HS3ST4: variants seen among roughly 807,000 people sequenced by gnomAD.
HS3ST4 encodes heparan sulfate-glucosamine 3-sulfotransferase 4.
In HS3ST4, 17 loss-of-function variants were observed where a neutral mutation model predicts 29.2. The observed-to-expected ratio is 0.58, with a 90% confidence interval of 0.40 to 0.87. The LOEUF (loss-of-function observed/expected upper bound fraction) is 0.87, where lower values mean the gene tolerates loss of function less well. HS3ST4 is among the 40% of genes least tolerant of loss of function. The pLI is 0.00. For missense variants in HS3ST4, 627 were observed against 634.5 expected (o/e 0.99, Z 0.13); for synonymous variants, 314 against 285.7 (o/e 1.10, Z -1.00).
At chr16:25,931,614 T>C (rs1968464866) in intron 1 of HS3ST4, among the ~76,000 whole-genome samples, 1 of 152,234 alleles carries the variant, frequency 6.6e-6, no homozygotes, top group Admixed American at 6.5e-5. Flanking sequence ...GACTTCATTA[T>C]GCAGGATGGA....
At chr16:25,819,057 A>C (rs904839941) in intron 1 of HS3ST4, among the ~76,000 whole-genome samples, 1 of 152,152 alleles carries the variant, frequency 6.6e-6, no homozygotes, top group Non-Finnish European at 1.5e-5. Context: ...AGGGAGTCAG[A>C]AGGGGATTAC....
At chr16:25,726,999 T>G (rs1966540181) in intron 1 of HS3ST4, among the ~76,000 whole-genome samples, 1 of 151,880 alleles carries the variant, frequency 6.6e-6, no homozygotes, top group Non-Finnish European at 1.5e-5. Context: ...ATGGCACAAT[T>G]GTCAGGACAG....
chr16:25,895,465 C>T lies in HS3ST4; in HGVS notation c.734+202314C>T, dbSNP rs12931462. On this transcript the variant is annotated intron_variant, in intron 1 of 1. Coordinates refer to ENST00000331351, the MANE Select transcript of HS3ST4 (RefSeq NM_006040.3). The stretch of plus-strand genomic sequence containing the variant: ...GAGGGTGAATGGATGCTGGGCTGGT[C>T]ACAGGAGAGTTGTCAGGGGCTCGAT... Among the ~76,000 whole-genome samples the T allele has an allele frequency of 2.8e-3, 420 of 151,880 alleles. 1 individual carries two copies. Among genetic ancestry groups the T allele is most frequent in the Non-Finnish European group, 4.1e-3 (282 of 67,952 alleles).
At chr16:26,078,721 T>C (rs996172807) in intron 1 of HS3ST4, among the ~76,000 whole-genome samples, 2 of 152,214 alleles carry the variant, frequency 1.3e-5, no homozygotes, top group Non-Finnish European at 2.9e-5. Flanking sequence ...AATTCAACTA[T>C]TAATTTATGT....
intron 1 of HS3ST4, among the ~76,000 whole-genome samples, chr16:25,880,456 G>A (rs942957400): frequency 9.2e-5 from 14 of 152,118 alleles, no homozygotes; most frequent in Non-Finnish European, 1.3e-4. Context: ...ATTTTGACAC[G>A]CAACCATCTC....
intron 1 of HS3ST4, among the ~76,000 whole-genome samples, chr16:26,044,021 A>G (rs1898236126): frequency 6.6e-6 from 1 of 152,222 alleles, no homozygotes; most frequent in Non-Finnish European, 1.5e-5. Flanking sequence ...TAGGAAATTG[A>G]AGCACAGAGA....
In HS3ST4 at chr16:26,019,151, C is replaced by T. The variant is rs956141169; in HGVS notation, c.735-116461C>T. Among the ~76,000 whole-genome samples, 7 of 152,042 alleles carry T rather than the reference C, an allele frequency of 4.6e-5. No homozygotes were observed. In the East Asian group the frequency reaches 7.7e-4, roughly 17 times the overall value. On this transcript the variant is annotated intron_variant, in intron 1 of 1. Transcript: ENST00000331351. ...GTCTTTTCTCTCTCATCTGCTACCCCCCGATCCACCCCCTCAATCAATCCC... is the reference window on the plus strand; with the variant it reads ...GTCTTTTCTCTCTCATCTGCTACCCTCCGATCCACCCCCTCAATCAATCCC...
At chr16:25,861,579 C>G (rs1305626813) in intron 1 of HS3ST4, among the ~76,000 whole-genome samples, 2 of 152,078 alleles carry the variant, frequency 1.3e-5, no homozygotes, top group Non-Finnish European at 2.9e-5. Context: ...AAAAGGATAA[C>G]AAATGAGAGT....
At chr16:25,772,556 T>C (rs1445688087) in intron 1 of HS3ST4, among the ~76,000 whole-genome samples, 1 of 152,172 alleles carries the variant, frequency 6.6e-6, no homozygotes, top group Non-Finnish European at 1.5e-5. Flanking sequence ...TCAGTGTGTT[T>C]AGGGATTGAA....
At chr16:26,037,642 G>A (rs1425596474) in intron 1 of HS3ST4, among the ~76,000 whole-genome samples, 2 of 152,164 alleles carry the variant, frequency 1.3e-5, no homozygotes, top group Admixed American at 1.3e-4. Context: ...GAACATAGGA[G>A]GAGAGTATAT....
chr16:25,995,495 C>T (rs1227490579), intron 1 of HS3ST4, among the ~76,000 whole-genome samples: 1 of 152,154 alleles, frequency 6.6e-6, no homozygotes, highest in Non-Finnish European at 1.5e-5. Context: ...CATTGGTTTC[C>T]CAACAATTCC....
chr16:26,033,857 C>T (rs942434246), intron 1 of HS3ST4, among the ~76,000 whole-genome samples: 1 of 152,184 alleles, frequency 6.6e-6, no homozygotes, highest in African/African-American at 2.4e-5. Flanking sequence ...CCTCAAGAGA[C>T]TCATCTGAGC....
chr16:25,986,130 C>T (rs961456297), intron 1 of HS3ST4, among the ~76,000 whole-genome samples: 4 of 152,204 alleles, frequency 2.6e-5, no homozygotes, highest in African/African-American at 9.7e-5. Flanking sequence ...TCCTCTATCA[C>T]CCAGTCTCCT....
intron 1 of HS3ST4, among the ~76,000 whole-genome samples, chr16:26,098,808 G>A (rs940646527): frequency 2.6e-5 from 4 of 152,198 alleles, no homozygotes; most frequent in African/African-American, 9.6e-5. Context: ...TGTGCAGGGG[G>A]GTAGATGTAT....
intron 1 of HS3ST4, among the ~76,000 whole-genome samples, chr16:26,078,875 G>T (rs1320512443): frequency 6.6e-6 from 1 of 152,196 alleles, no homozygotes; most frequent in Non-Finnish European, 1.5e-5. Flanking sequence ...ACAGGTCACA[G>T]TTGAGAGCCC....
intron 1 of HS3ST4, among the ~76,000 whole-genome samples, chr16:26,092,644 C>T (rs1301970793): frequency 6.6e-6 from 1 of 152,202 alleles, no homozygotes; most frequent in Non-Finnish European, 1.5e-5. Context: ...TGAATAGGAA[C>T]AGCTCCGGTC....
At chr16:25,946,104 A>G (rs895955207) in intron 1 of HS3ST4, among the ~76,000 whole-genome samples, 1 of 152,198 alleles carries the variant, frequency 6.6e-6, no homozygotes, top group African/African-American at 2.4e-5. Flanking sequence ...CTGCTGTTCA[A>G]GAAACTCATT....
At chr16:26,047,209 A>T (rs1228450005) in intron 1 of HS3ST4, among the ~76,000 whole-genome samples, 1 of 152,192 alleles carries the variant, frequency 6.6e-6, no homozygotes, top group Non-Finnish European at 1.5e-5. Flanking sequence ...ATGATGGGGA[A>T]GGCTTCCTGC....
intron 1 of HS3ST4, among the ~76,000 whole-genome samples, chr16:26,008,229 T>C (rs1014438622): frequency 3.9e-5 from 6 of 152,164 alleles, no homozygotes; most frequent in Admixed American, 6.5e-5. Context: ...TGAGAAGAAA[T>C]GACACGACAA....
Sources: gnomAD v4.1 joint callset for allele counts (sites outside exome capture counted in the v4.1 genomes callset) on GRCh38, gnomAD v4.1.1 for gene constraint, MANE v1.5 for transcripts, NCBI Gene and HGNC (gene_info 2026-07-23, HGNC 2026-07-21) for gene names.